CTCF: variants seen among roughly 807,000 people sequenced by gnomAD.
CTCF encodes CCCTC-binding factor.
CTCF carries 7 observed loss-of-function variants against 72.3 expected under a neutral mutation model. The observed-to-expected ratio is 0.10, with a 90% CI of 0.06 to 0.18. The LOEUF is 0.18. CTCF is among the 10% of genes least tolerant of loss of function. The pLI is 1.00. For synonymous variants in CTCF, 374 were observed against 315.8 expected (o/e 1.18, Z -1.95); for missense variants, 516 against 949.1 (o/e 0.54, Z 6.00).
intron 11 of CTCF, 100 bp from the exon 12 acceptor site, chr16:67,637,588 C>G (rs1466676826): frequency 2.2e-6 from 2 of 926,610 alleles, no homozygotes; most frequent in African/African-American, 1.7e-5. Flanking sequence ...ATAAGGCTGT[C>G]CTGCATTGCT....
At position 67,603,660 on chromosome 16, in the gene CTCF, C is replaced by T. The variant is rs146054670; in HGVS notation, c.-9-7164C>T. 4.5e-3 allele frequency among the ~76,000 whole-genome samples: 688 copies of T among 151,402 alleles called. 8 individuals are homozygous for T. Among genetic ancestry groups the T allele is most frequent in the African/African-American group, 0.015 (633 of 41,220 alleles). On this transcript the variant is annotated intron_variant, in intron 2 of 11. Coordinates refer to ENST00000264010, the MANE Select transcript of CTCF (RefSeq NM_006565.4). ...CTAACACGGTGAAACCCCGTCTCTA[C>T]TAAAAGTACAAAAAATTAGCCGGGC...
chr16:67,607,950 C>T, intron 2 of CTCF, among the ~76,000 whole-genome samples: 1 of 147,698 alleles, frequency 6.8e-6, no homozygotes. Flanking sequence ...ACCTGGGAGG[C>T]AGAGGTTGCA....
chr16:67,621,628 T>G (rs1304346481), intron 7 of CTCF, 37 bp downstream of exon 7: 1 of 1,493,772 alleles, frequency 6.7e-7, no homozygotes. Context: ...AAAAAAATAT[T>G]TTGAAGGATT....
Position 67,628,423 on chromosome 16 carries a change from C to T in CTCF, c.1572C>T (p.Ala524=). The change falls in exon 9 of 12, where the codon GCC becomes GCT. Residue 524 remains alanine, a synonymous_variant. Transcript: ENST00000264010. ...CCCACACCGGGGAGAAGCCTTACGC[C>T]TGCAGCCACTGCGATAAGACCTTCC... ...KRTHTGEKPY[A]CSHCDKTFRQ... is the part of the protein sequence containing the mutation. 2 of 1,614,212 alleles carry T rather than the reference C, an allele frequency of 1.2e-6. No individual in the cohort carries two copies. The highest frequency in any genetic ancestry group is 1.7e-6 in the Non-Finnish European group (2 of 1,180,042).
intron 7 of CTCF, among the ~76,000 whole-genome samples, chr16:67,624,071 A>ATGTGTGTGTGTGTG (rs58387336): frequency 6.7e-4 from 79 of 117,556 alleles, no homozygotes; most frequent in Admixed American, 1.6e-3. Flanking sequence ...AAAATTATAT[A>ATGTGTGTGTGTGTG]TGTGTGTGTG....
chr16:67,587,685 A>G (rs890816377), intron 2 of CTCF, among the ~76,000 whole-genome samples: 2 of 152,000 alleles, frequency 1.3e-5, no homozygotes, highest in Non-Finnish European at 2.9e-5. Context: ...GCACTTAGGG[A>G]AGCAGAGGCA....
chr16:67,609,875 C>T (rs71393954), intron 2 of CTCF, among the ~76,000 whole-genome samples: 1 of 152,186 alleles, frequency 6.6e-6, no homozygotes, highest in Non-Finnish European at 1.5e-5. Flanking sequence ...ATCTGCCCGC[C>T]TCAGCCTCCC....
At chr16:67,591,456 C>T (rs1023219710) in intron 2 of CTCF, among the ~76,000 whole-genome samples, 1 of 152,168 alleles carries the variant, frequency 6.6e-6, no homozygotes, top group African/African-American at 2.4e-5. Flanking sequence ...CAATTCAACT[C>T]CTCCTCATTC....
chr16:67,613,648 C>T (rs946781028), intron 4 of CTCF, among the ~76,000 whole-genome samples: 3 of 152,104 alleles, frequency 2.0e-5, no homozygotes, highest in African/African-American at 7.2e-5. Flanking sequence ...TAGTGGCACA[C>T]GCCTGTAAAC....
chr16:67,565,155 C>T (rs541786246), intron 1 of CTCF, among the ~76,000 whole-genome samples: 1 of 152,062 alleles, frequency 6.6e-6, no homozygotes, highest in East Asian at 2.0e-4. Context: ...GCCCGTGCCA[C>T]CACGCCCGGC....
chr16:67,631,689 C>G (rs1235891269), intron 10 of CTCF, among the ~76,000 whole-genome samples: 73 of 121,452 alleles, frequency 6.0e-4, no homozygotes, highest in Non-Finnish European at 9.3e-4. Flanking sequence ...CACCCCCCCC[C>G]CCTTTTTTTT....
At chr16:67,633,719 C>T (rs4783546) in intron 10 of CTCF, among the ~76,000 whole-genome samples, 1 of 151,664 alleles carries the variant, frequency 6.6e-6, no homozygotes, top group African/African-American at 2.4e-5. Flanking sequence ...GCACTCCAGC[C>T]TGGGTGACAG....
At chr16:67,616,677 A>C in intron 4 of CTCF, 68 bp from the exon 5 acceptor site, 1 of 1,562,622 alleles carries the variant, frequency 6.4e-7, no homozygotes, top group Non-Finnish European at 8.8e-7. Flanking sequence ...GTTCTGTGCC[A>C]CACATTGAAC....
intron 2 of CTCF, among the ~76,000 whole-genome samples, chr16:67,598,530 A>T (rs2051844042): frequency 6.6e-6 from 1 of 152,250 alleles, no homozygotes; most frequent in Middle Eastern, 3.2e-3. Flanking sequence ...ATGGTTTGAG[A>T]GGCAACAAAT....
intron 1 of CTCF, among the ~76,000 whole-genome samples, chr16:67,570,156 A>C (rs1377004256): frequency 6.7e-6 from 1 of 148,578 alleles, no homozygotes; most frequent in Non-Finnish European, 1.5e-5. Context: ...GGCTCACTGC[A>C]AGCTCCGCCT....
In CTCF at chr16:67,635,241, C is replaced by CG. The variant is rs199683024; in HGVS notation, c.1838-1448dup. Among the ~76,000 whole-genome samples the CG allele has an allele frequency of 7.8e-4, 117 of 150,690 alleles. 1 individual carries two copies. In the East Asian group the frequency reaches 0.021, roughly 27 times the overall value. On this transcript the variant is annotated intron_variant, in intron 10 of 11. Coordinates refer to ENST00000264010, the MANE Select transcript of CTCF (RefSeq NM_006565.4). Reference sequence around the variant, plus strand: ...TTCACCATGTTGACGAGGATGGTCTCGATCTCCTGACCTTGTGATCCACCC... The same window carrying CG: ...TTCACCATGTTGACGAGGATGGTCTCGGATCTCCTGACCTTGTGATCCACCC...
At chr16:67,627,523 G>GC (rs2052306377) in intron 8 of CTCF, 1 of 151,812 alleles carries the variant, frequency 6.6e-6, no homozygotes, top group Non-Finnish European at 1.5e-5. Context: ...CTGGGGCCAG[G>GC]CACGGTGACT....
At chr16:67,588,723 G>C (rs2051700369) in intron 2 of CTCF, among the ~76,000 whole-genome samples, 1 of 152,080 alleles carries the variant, frequency 6.6e-6, no homozygotes, top group Non-Finnish European at 1.5e-5. Flanking sequence ...TTCTCACTCT[G>C]TACCCCAGAC....
intron 10 of CTCF, among the ~76,000 whole-genome samples, chr16:67,634,620 C>G (rs111294469): frequency 0.042 from 6,398 of 150,548 alleles, 141 homozygotes; most frequent in Non-Finnish European, 0.055. Flanking sequence ...CTGGCTTAAG[C>G]AGGCCTCTTG....
Sources: gnomAD v4.1 joint callset for allele counts (sites outside exome capture counted in the v4.1 genomes callset) on GRCh38, gnomAD v4.1.1 for gene constraint, MANE v1.5 for transcripts, NCBI Gene and HGNC (gene_info 2026-07-23, HGNC 2026-07-21) for gene names.